Variants in DNAH6 observed in about 807,000 individuals in gnomAD.
DNAH6 encodes dynein axonemal heavy chain 6.
Under a neutral mutation model 491.4 loss-of-function variants are expected in DNAH6, and 340 were observed. The ratio of observed to expected loss-of-function variants is 0.69; its 90% CI spans 0.63 to 0.76. The LOEUF (loss-of-function observed/expected upper bound fraction) is 0.76, where lower values mean the gene tolerates loss of function less well. Among genes scored for constraint, DNAH6 ranks in the 30% least tolerant of loss-of-function variants. The probability of loss-of-function intolerance (pLI) is 0.00; values close to 1 mark genes in which losing one functional copy is unlikely to be tolerated. For missense variants in DNAH6, 4,443 were observed against 4,972.2 expected (o/e 0.89, Z 3.20); for synonymous variants, 1,603 against 1,686.1 (o/e 0.95, Z 1.21).
At chr2:84,583,623 G>T (rs192578766) in intron 14 of DNAH6, among the ~76,000 whole-genome samples, 5 of 152,298 alleles carry the variant, frequency 3.3e-5, no homozygotes, top group Admixed American at 3.3e-4. Flanking sequence ...GATGGGGCCA[G>T]GTGGAGATAA....
At chr2:84,576,162 C>T (rs191499957) in intron 12 of DNAH6, among the ~76,000 whole-genome samples, 76 of 152,306 alleles carry the variant, frequency 5.0e-4, no homozygotes, top group Non-Finnish European at 2.1e-4. Flanking sequence ...CTTATCAGAT[C>T]ATTTAACATC....
At chr2:84,600,290 A>G (rs1480205474) in intron 18 of DNAH6, among the ~76,000 whole-genome samples, 1 of 152,194 alleles carries the variant, frequency 6.6e-6, no homozygotes, top group Non-Finnish European at 1.5e-5. Flanking sequence ...AAGGGTTCCC[A>G]TATACTCCAC....
At chr2:84,565,468 C>T (rs1422219055) in intron 11 of DNAH6, among the ~76,000 whole-genome samples, 1 of 151,884 alleles carries the variant, frequency 6.6e-6, no homozygotes, top group Non-Finnish European at 1.5e-5. Context: ...TCTAGATTTT[C>T]TAATTCGTGT....
chr2:84,615,651 A>T (rs2104367576), intron 22 of DNAH6, among the ~76,000 whole-genome samples: 1 of 152,190 alleles, frequency 6.6e-6, no homozygotes, highest in African/African-American at 2.4e-5. Flanking sequence ...CACAATATTG[A>T]TTCTACCCAT....
intron 52 of DNAH6, among the ~76,000 whole-genome samples, chr2:84,706,627 T>C (rs1408178562): frequency 6.6e-6 from 1 of 152,216 alleles, no homozygotes; most frequent in Non-Finnish European, 1.5e-5. Context: ...TCCATTATGA[T>C]ACCTAATTCA....
chr2:84,553,087 G>C, intron 10 of DNAH6, 53 bp downstream of exon 10: 1 of 1,092,862 alleles, frequency 9.2e-7, no homozygotes, highest in Non-Finnish European at 1.3e-6. Context: ...GGAAAATGAA[G>C]CAGCTGTTTT....
chr2:84,667,851 A>G (rs1692312297), intron 37 of DNAH6, among the ~76,000 whole-genome samples: 1 of 152,248 alleles, frequency 6.6e-6, no homozygotes, highest in Non-Finnish European at 1.5e-5. Flanking sequence ...AATGTCCATC[A>G]ATGATAGACT....
intron 45 of DNAH6, among the ~76,000 whole-genome samples, chr2:84,689,204 T>C (rs1573492576): frequency 6.6e-6 from 1 of 152,232 alleles, no homozygotes; most frequent in Non-Finnish European, 1.5e-5. Context: ...GAAGCAGTCA[T>C]GATTAAGGTA....
chr2:84,686,595 T>G, intron 44 of DNAH6, 38 bp downstream of exon 44: 1 of 1,148,890 alleles, frequency 8.7e-7, no homozygotes, highest in South Asian at 1.5e-5. Flanking sequence ...ATTTGAAAAT[T>G]GTAAAGCATT....
intron 60 of DNAH6, among the ~76,000 whole-genome samples, chr2:84,723,998 T>G (rs1271865872): frequency 6.6e-6 from 1 of 152,200 alleles, no homozygotes; most frequent in Non-Finnish European, 1.5e-5. Flanking sequence ...CAGGTGCCAG[T>G]GGCCTCTTCT....
chr2:84,688,404 T>A (rs1257547033), intron 44 of DNAH6, 35 bp from the exon 45 acceptor site: 2 of 1,459,106 alleles, frequency 1.4e-6, no homozygotes, highest in East Asian at 5.4e-5. Flanking sequence ...TCTATCAGAA[T>A]TGATCCAACT....
At position 84,784,748 on chromosome 2, in the gene DNAH6, C is replaced by G; in HGVS notation, c.10891C>G (p.Leu3631Val). The G allele has an allele frequency of 6.4e-7, 1 of 1,550,648 alleles. No individual in the cohort carries two copies. The highest frequency in any genetic ancestry group is 8.7e-7 in the Non-Finnish European group (1 of 1,146,230). Residue 3631 changes from leucine (L) to valine (V), a missense_variant, in exon 66 of 77, where the codon CTT becomes GTT. Physicochemically the swap from Leu to Val is conservative, Grantham distance 32. Around this residue, in one of 3 missense-constraint regions of DNAH6, gnomAD observed 1,463 missense variants for 1,656.6 expected, o/e 0.88. Transcript: ENST00000389394. ...TAGTGCTATCAAGGACACTTTTCGA[C>G]TTTTTTTAAGCTCCATGCCTAGTAA... The part of the protein sequence containing the change: ...PDSAIKDTFR[L>V]FLSSMPSNTF...
At chr2:84,665,681 G>T (rs138651483) in intron 37 of DNAH6, among the ~76,000 whole-genome samples, 3,310 of 152,268 alleles carry the variant, frequency 0.022, 54 homozygotes, top group Middle Eastern at 0.099. Context: ...ACAAAGAGGA[G>T]CTGGTACCAT....
chr2:84,722,953 C>A, intron 60 of DNAH6, 149 bp downstream of exon 60: 1 of 537,698 alleles, frequency 1.9e-6, no homozygotes, highest in Non-Finnish European at 3.1e-6. Flanking sequence ...TCCAGCCAGG[C>A]ATGGTGGCTC....
chr2:84,599,242 TG>T (rs34776085), intron 18 of DNAH6, among the ~76,000 whole-genome samples: 124,718 of 151,970 alleles, frequency 0.82, 53,301 homozygotes, highest in East Asian at 0.99. Context: ...TTTTCAGATA[TG>T]TAACTTGAAA....
intron 11 of DNAH6, among the ~76,000 whole-genome samples, chr2:84,570,125 G>C (rs1368285682): frequency 1.3e-5 from 2 of 151,940 alleles, no homozygotes; most frequent in East Asian, 3.9e-4. Flanking sequence ...GGGTGGGGTA[G>C]GATAGTACAA....
At chr2:84,680,580 G>C (rs1693686851) in intron 41 of DNAH6, among the ~76,000 whole-genome samples, 1 of 151,964 alleles carries the variant, frequency 6.6e-6, no homozygotes, top group Admixed American at 6.6e-5. Context: ...AGGGGCCTGA[G>C]GTGGGAAGGA....
At chr2:84,497,033 C>T in the DNAH6 span, among the ~76,000 whole-genome samples, 16 of 148,240 alleles carry the variant, frequency 1.1e-4, no homozygotes, top group African/African-American at 1.8e-4. Flanking sequence ...TGCAGTGACA[C>T]GATCTTGGCT....
At chr2:84,476,011 G>C in the DNAH6 span, among the ~76,000 whole-genome samples, 1 of 152,176 alleles carries the variant, frequency 6.6e-6, no homozygotes, top group African/African-American at 2.4e-5. Flanking sequence ...AGGTAGTTGT[G>C]CTTGTGTATT....
Sources: allele counts gnomAD v4.1 joint callset (sites outside exome capture counted in the v4.1 genomes callset), GRCh38; gene constraint gnomAD v4.1.1; regional missense constraint gnomAD v4.1.1; transcripts MANE v1.5; gene names NCBI Gene and HGNC (gene_info 2026-07-23, HGNC 2026-07-21).